NALF1: variants seen among roughly 807,000 people sequenced by gnomAD.
The protein encoded by NALF1 is family with sequence similarity 155 member A.
Under a neutral mutation model 48.4 loss-of-function variants are expected in NALF1, and 3 were observed. The observed-to-expected ratio is 0.06, with a 90% confidence interval of 0.03 to 0.16. NALF1 has a LOEUF of 0.16. NALF1 is among the 10% of genes least tolerant of loss of function. The pLI, the probability that NALF1 is intolerant of heterozygous loss-of-function variation, is 1.00. For missense variants in NALF1, 526 were observed against 571.5 expected, an observed-to-expected ratio of 0.92 and a Z score of 0.81; for synonymous variants, 262 against 245.7, an observed-to-expected ratio of 1.07 and a Z score of -0.62.
intron 1 of NALF1, among the ~76,000 whole-genome samples, chr13:107,242,606 TA>T (rs1420869286): frequency 2.0e-5 from 3 of 152,252 alleles, no homozygotes; most frequent in African/African-American, 7.2e-5. Flanking sequence ...TGATTAACAT[TA>T]ATTAACACAA....
At chr13:107,556,378 AAAT>A (rs1467830237) in intron 1 of NALF1, among the ~76,000 whole-genome samples, 2 of 151,650 alleles carry the variant, frequency 1.3e-5, no homozygotes, top group African/African-American at 4.8e-5. Flanking sequence ...GAGTCTTAGA[AAAT>A]AATATTTGGA....
chr13:107,197,540 T>C (rs1440577345), intron 2 of NALF1, among the ~76,000 whole-genome samples: 2 of 152,138 alleles, frequency 1.3e-5, no homozygotes, highest in African/African-American at 4.8e-5. Flanking sequence ...ACCAAGAAAG[T>C]CCCTGCCTGC....
chr13:107,256,133 G>T, intron 1 of NALF1, among the ~76,000 whole-genome samples: 1 of 152,148 alleles, frequency 6.6e-6, no homozygotes, highest in East Asian at 1.9e-4. Flanking sequence ...GTTATTAAAA[G>T]TTAAATTATA....
At chr13:107,371,577 T>C (rs1883249699) in intron 1 of NALF1, among the ~76,000 whole-genome samples, 1 of 152,212 alleles carries the variant, frequency 6.6e-6, no homozygotes, top group African/African-American at 2.4e-5. Context: ...CTTAAACCTT[T>C]TGTTATGATA....
intron 1 of NALF1, among the ~76,000 whole-genome samples, chr13:107,299,102 G>A (rs1040737823): frequency 2.0e-5 from 3 of 152,064 alleles, no homozygotes; most frequent in Admixed American, 2.0e-4. Flanking sequence ...TTACTTTGTA[G>A]AATAGCTCTC....
chr13:107,218,811 G>C (rs1594075624), intron 1 of NALF1, among the ~76,000 whole-genome samples: 2 of 151,948 alleles, frequency 1.3e-5, no homozygotes, highest in Admixed American at 1.3e-4. Context: ...CTCATGGAAG[G>C]CCACAGAGCT....
intron 1 of NALF1, among the ~76,000 whole-genome samples, chr13:107,661,914 C>A (rs1880743186): frequency 6.6e-6 from 1 of 151,932 alleles, no homozygotes; most frequent in Non-Finnish European, 1.5e-5. Context: ...TTATTTTTTT[C>A]AACTCTTAAA....
chr13:107,760,714 G>T (rs2138561030), intron 1 of NALF1, among the ~76,000 whole-genome samples: 1 of 152,300 alleles, frequency 6.6e-6, no homozygotes. Flanking sequence ...CACGCATGTT[G>T]TCATAATTCT....
intron 1 of NALF1, among the ~76,000 whole-genome samples, chr13:107,545,298 G>A (rs1877107594): frequency 6.6e-6 from 1 of 152,222 alleles, no homozygotes; most frequent in South Asian, 2.1e-4. Flanking sequence ...AGGATAGCCT[G>A]CAACCTGGAA....
At chr13:107,198,313 T>C (rs918513946) in intron 2 of NALF1, among the ~76,000 whole-genome samples, 5 of 152,190 alleles carry the variant, frequency 3.3e-5, no homozygotes, top group African/African-American at 4.8e-5. Context: ...CACAGCAGCA[T>C]TGCAAATTGA....
chr13:107,640,266 A>C (rs950690899), intron 1 of NALF1, among the ~76,000 whole-genome samples: 1 of 152,194 alleles, frequency 6.6e-6, no homozygotes, highest in Non-Finnish European at 1.5e-5. Context: ...GAACAAAATA[A>C]AAATTATAAC....
At chr13:107,378,529 TAGA>T (rs1041186586) in intron 1 of NALF1, among the ~76,000 whole-genome samples, 2 of 151,662 alleles carry the variant, frequency 1.3e-5, no homozygotes, top group African/African-American at 4.9e-5. Flanking sequence ...TATTCTGAAA[TAGA>T]AGTCAATTTC....
At chr13:107,725,029 T>C (rs984879294) in intron 1 of NALF1, among the ~76,000 whole-genome samples, 3 of 152,230 alleles carry the variant, frequency 2.0e-5, no homozygotes, top group Non-Finnish European at 4.4e-5. Context: ...GATAATTTAT[T>C]GATAAATATT....
intron 1 of NALF1, among the ~76,000 whole-genome samples, chr13:107,583,950 A>C (rs1375225962): frequency 6.6e-6 from 1 of 152,086 alleles, no homozygotes; most frequent in African/African-American, 2.4e-5. Flanking sequence ...TATTCTAAGG[A>C]CAAAAAAATC....
chr13:107,462,540 C>G (rs544132812), intron 1 of NALF1, among the ~76,000 whole-genome samples: 1 of 151,214 alleles, frequency 6.6e-6, no homozygotes, highest in Non-Finnish European at 1.5e-5. Context: ...GGTGAAGGGT[C>G]AACTCAGCAG....
At chr13:107,485,529 T>G (rs1885316061) in intron 1 of NALF1, among the ~76,000 whole-genome samples, 1 of 152,128 alleles carries the variant, frequency 6.6e-6, no homozygotes, top group Non-Finnish European at 1.5e-5. Flanking sequence ...CCACATCTCA[T>G]TTACCATCAG....
At chr13:107,702,060 T>C (rs1055163818) in intron 1 of NALF1, among the ~76,000 whole-genome samples, 1 of 152,130 alleles carries the variant, frequency 6.6e-6, no homozygotes, top group Non-Finnish European at 1.5e-5. Flanking sequence ...TGAAAGCAAA[T>C]AATGCTACAC....
chr13:107,719,065 G>A (rs887023386), intron 1 of NALF1, among the ~76,000 whole-genome samples: 30 of 152,276 alleles, frequency 2.0e-4, no homozygotes, highest in African/African-American at 6.5e-4. Flanking sequence ...GATAATTTAC[G>A]TAGAGTGCCT....
At chr13:107,734,892 T>C (rs551844273) in intron 1 of NALF1, among the ~76,000 whole-genome samples, 1 of 152,282 alleles carries the variant, frequency 6.6e-6, no homozygotes, top group East Asian at 1.9e-4. Context: ...TTCTCCACTG[T>C]ACTCCAGCCC....
Sources: allele counts gnomAD v4.1 joint callset (sites outside exome capture counted in the v4.1 genomes callset), GRCh38; gene constraint gnomAD v4.1.1; transcripts MANE v1.5; gene names NCBI Gene and HGNC (gene_info 2026-07-23, HGNC 2026-07-21).